Variants in TEKTL1 observed in about 807,000 individuals in gnomAD.
The protein encoded by TEKTL1 is tektin-like protein 1.
chr19:15,022,919 G>A, the TEKTL1 span: 5 of 1,607,414 alleles, frequency 3.1e-6, no homozygotes. Context: ...AAAGAACCTG[G>A]ACGAGCTGCT....
At chr19:15,016,381 G>A in the TEKTL1 span, among the ~76,000 whole-genome samples, 1 of 150,732 alleles carries the variant, frequency 6.6e-6, no homozygotes, top group African/African-American at 2.4e-5. Context: ...GTAGAGACGT[G>A]GTTTCACCAT....
At chr19:15,020,276 C>A in the TEKTL1 span, among the ~76,000 whole-genome samples, 1 of 150,924 alleles carries the variant, frequency 6.6e-6, no homozygotes, top group Non-Finnish European at 1.5e-5. Flanking sequence ...CCACTGCACT[C>A]CAGCCTGGAT....
the TEKTL1 span, chr19:15,021,331 C>G: frequency 1.9e-6 from 3 of 1,610,744 alleles, 1 homozygote; most frequent in South Asian, 3.3e-5. Flanking sequence ...GGCACCCCCA[C>G]GCGCATCCTG....
chr19:15,020,982 T>C, the TEKTL1 span, among the ~76,000 whole-genome samples: 3 of 151,296 alleles, frequency 2.0e-5, no homozygotes, highest in African/African-American at 7.3e-5. Context: ...CAGGTTCAAG[T>C]GATTCTCCTG....
At chr19:15,016,722 T>G in the TEKTL1 span, among the ~76,000 whole-genome samples, 112,206 of 152,144 alleles carry the variant, frequency 0.74, 41,508 homozygotes, top group Admixed American at 0.77. Flanking sequence ...TTCCTCAAGG[T>G]ACAGTTAGTA....
the TEKTL1 span, among the ~76,000 whole-genome samples, chr19:15,012,826 C>A: frequency 6.6e-6 from 1 of 152,050 alleles, no homozygotes; most frequent in Non-Finnish European, 1.5e-5. Flanking sequence ...TAAGACCCTT[C>A]CATAGATGTG....
At chr19:15,021,334 G>T in the TEKTL1 span, 6 of 1,610,834 alleles carry the variant, frequency 3.7e-6, no homozygotes, top group Admixed American at 5.0e-5. Flanking sequence ...ACCCCCACGC[G>T]CATCCTGGGC....
chr19:15,022,184 GTCTC>G, the TEKTL1 span, among the ~76,000 whole-genome samples: 1 of 152,090 alleles, frequency 6.6e-6, no homozygotes, highest in East Asian at 1.9e-4. Flanking sequence ...TCTGGCCTTA[GTCTC>G]TCTAACCTGT....
the TEKTL1 span, among the ~76,000 whole-genome samples, chr19:15,015,190 G>A: frequency 2.0e-5 from 3 of 152,154 alleles, no homozygotes; most frequent in African/African-American, 4.8e-5. Context: ...CTGTCTCTGT[G>A]AGAGTGAGAG....
At chr19:15,014,731 C>CGGGG in the TEKTL1 span, among the ~76,000 whole-genome samples, 63 of 11,738 alleles carry the variant, frequency 5.4e-3, 1 homozygote, top group Non-Finnish European at 7.7e-3. Context: ...AGTGGGGGGG[C>CGGGG]GGGGGGCGGG....
At chr19:15,011,136 C>T in the TEKTL1 span, 57 of 1,523,414 alleles carry the variant, frequency 3.7e-5, no homozygotes, top group Non-Finnish European at 4.9e-5. Flanking sequence ...AAGCCGCCCG[C>T]CTGGTACGCC....
chr19:15,023,247 A>G, the TEKTL1 span: 2 of 788,850 alleles, frequency 2.5e-6, no homozygotes, highest in East Asian at 5.4e-5. Flanking sequence ...TAGGAGAATT[A>G]TAATTAAAAA....
At chr19:15,020,591 G>C in the TEKTL1 span, 1 of 1,614,002 alleles carries the variant, frequency 6.2e-7, no homozygotes, top group South Asian at 1.1e-5. Flanking sequence ...AACCTCTCCC[G>C]AGCCCCCACT....
chr19:15,020,135 CCTT>C, the TEKTL1 span, among the ~76,000 whole-genome samples: 9 of 151,676 alleles, frequency 5.9e-5, no homozygotes, highest in African/African-American at 1.9e-4. Flanking sequence ...TAGTCAGACC[CCTT>C]CTTCACAAAA....
At chr19:15,012,934 C>T in the TEKTL1 span, among the ~76,000 whole-genome samples, 1 of 151,864 alleles carries the variant, frequency 6.6e-6, no homozygotes. Flanking sequence ...AAACTCCCCC[C>T]CAGAATGTTA....
the TEKTL1 span, chr19:15,013,871 C>A: frequency 6.9e-6 from 5 of 724,892 alleles, no homozygotes; most frequent in Non-Finnish European, 1.2e-5. Context: ...GTCACAATAG[C>A]AATTCCTTCA....
chr19:15,011,298 G>A, the TEKTL1 span: 2 of 1,523,996 alleles, frequency 1.3e-6, no homozygotes, highest in Admixed American at 2.3e-5. Flanking sequence ...CTGCGCCAGC[G>A]CGAGGTCACC....
chr19:15,017,440 A>T, the TEKTL1 span, among the ~76,000 whole-genome samples: 3 of 152,158 alleles, frequency 2.0e-5, no homozygotes, highest in Non-Finnish European at 4.4e-5. Flanking sequence ...AAGGAATATG[A>T]TATGCTTCAT....
the TEKTL1 span, chr19:15,013,704 G>A: frequency 1.2e-6 from 2 of 1,613,634 alleles, no homozygotes; most frequent in African/African-American, 2.7e-5. Flanking sequence ...TGCTTACATG[G>A]GAGAAAGAGG....
Sources: allele counts gnomAD v4.1 joint callset (sites outside exome capture counted in the v4.1 genomes callset), GRCh38; gene constraint gnomAD v4.1.1; transcripts MANE v1.5; gene names NCBI Gene and HGNC (gene_info 2026-07-23, HGNC 2026-07-21).